IL1RAPL2: variants seen among roughly 807,000 people sequenced by gnomAD.
IL1RAPL2 encodes interleukin 1 receptor accessory protein like 2.
IL1RAPL2 carries 3 observed loss-of-function variants against 44.1 expected under a neutral mutation model. The ratio of observed to expected loss-of-function variants is 0.07; its 90% CI spans 0.03 to 0.18. IL1RAPL2 has a LOEUF of 0.18. Ranked by LOEUF, IL1RAPL2 falls within the 10% of genes least tolerant of loss-of-function variation. The probability of loss-of-function intolerance (pLI) is 1.00; values close to 1 mark genes in which losing one functional copy is unlikely to be tolerated. For synonymous variants in IL1RAPL2, 181 were observed against 178.8 expected, an observed-to-expected ratio of 1.01 and a Z score of -0.10; for missense variants, 391 against 496.4, an observed-to-expected ratio of 0.79 and a Z score of 2.02.
At chrX:105,300,272 C>T (rs953938726) in intron 5 of IL1RAPL2, among the ~76,000 whole-genome samples, 11 of 111,195 alleles carry the variant, frequency 9.9e-5, no homozygotes, top group African/African-American at 3.6e-4. Flanking sequence ...ATACAGGAAG[C>T]ATAATGGGTT....
intron 5 of IL1RAPL2, among the ~76,000 whole-genome samples, chrX:105,454,652 AG>A (rs1313069228): frequency 9.0e-6 from 1 of 111,630 alleles, no homozygotes; most frequent in Non-Finnish European, 1.9e-5. Flanking sequence ...TAACCAACAG[AG>A]CTGGTTATCT....
chrX:105,470,167 A>T (rs2036156766), intron 5 of IL1RAPL2, among the ~76,000 whole-genome samples: 1 of 111,491 alleles, frequency 9.0e-6, no homozygotes, highest in Admixed American at 9.6e-5. Flanking sequence ...TTAGGAGGAC[A>T]TTTCCAGCTT....
At chrX:105,467,213 T>C (rs936068860) in intron 5 of IL1RAPL2, among the ~76,000 whole-genome samples, 3 of 111,782 alleles carry the variant, frequency 2.7e-5, no homozygotes, top group Non-Finnish European at 5.7e-5. Context: ...CAGGGTATTG[T>C]CTCTGAGATT....
At chrX:104,894,190 G>T (rs1370775066) in intron 2 of IL1RAPL2, among the ~76,000 whole-genome samples, 3 of 111,596 alleles carry the variant, frequency 2.7e-5, no homozygotes, top group Non-Finnish European at 3.8e-5. Flanking sequence ...TGGGTAACCC[G>T]ACCTTTCTCT....
At chrX:104,599,861 GT>G (rs972356108) in intron 1 of IL1RAPL2, among the ~76,000 whole-genome samples, 25 of 111,001 alleles carry the variant, frequency 2.3e-4, no homozygotes, top group Non-Finnish European at 4.0e-4. Context: ...TGAGATGTGA[GT>G]TTTTTTTGTG....
intron 2 of IL1RAPL2, among the ~76,000 whole-genome samples, chrX:105,049,825 G>T (rs2031893889): frequency 9.0e-6 from 1 of 110,797 alleles, no homozygotes; most frequent in African/African-American, 3.3e-5. Context: ...TTTGAATAAT[G>T]AATCCAGTAT....
chrX:105,704,054 G>A (rs919343509), intron 6 of IL1RAPL2, among the ~76,000 whole-genome samples: 1 of 111,425 alleles, frequency 9.0e-6, no homozygotes, highest in Non-Finnish European at 1.9e-5. Context: ...CTTTTCAGAG[G>A]TTACCAAGAT....
chrX:105,067,542 A>G (rs1207441095), intron 2 of IL1RAPL2, among the ~76,000 whole-genome samples: 1 of 111,577 alleles, frequency 9.0e-6, no homozygotes, highest in Non-Finnish European at 1.9e-5. Context: ...TTTAATTCTC[A>G]TACCAACCCT....
At chrX:105,763,928 G>A (rs1312713169) in intron 10 of IL1RAPL2, among the ~76,000 whole-genome samples, 1 of 111,314 alleles carries the variant, frequency 9.0e-6, no homozygotes, top group Non-Finnish European at 1.9e-5. Flanking sequence ...TTGGGACACT[G>A]GGGCTGTGTC....
chrX:104,846,054 A>G (rs1263144167), intron 2 of IL1RAPL2, among the ~76,000 whole-genome samples: 1 of 111,781 alleles, frequency 8.9e-6, no homozygotes, highest in African/African-American at 3.3e-5. Context: ...GATATTTGTT[A>G]TTATCTCAAA....
intron 6 of IL1RAPL2, among the ~76,000 whole-genome samples, chrX:105,636,040 A>G (rs1478969835): frequency 9.0e-6 from 1 of 110,901 alleles, no homozygotes; most frequent in African/African-American, 3.3e-5. Context: ...CAGAAGAGTC[A>G]AGGGAAGTTT....
chrX:104,611,274 G>A (rs1287992316), intron 1 of IL1RAPL2, among the ~76,000 whole-genome samples: 1 of 111,256 alleles, frequency 9.0e-6, no homozygotes, highest in Non-Finnish European at 1.9e-5. Context: ...CCTTCCCCCA[G>A]GTGCTCTGTC....
At chrX:105,592,181 A>AT (rs1465767149) in intron 6 of IL1RAPL2, among the ~76,000 whole-genome samples, 56 of 111,145 alleles carry the variant, frequency 5.0e-4, no homozygotes, top group Admixed American at 7.6e-4. Context: ...CCTTTCTTTA[A>AT]TTTTTTTGAT....
intron 2 of IL1RAPL2, among the ~76,000 whole-genome samples, chrX:104,669,481 C>T (rs775340612): frequency 1.8e-5 from 2 of 111,195 alleles, no homozygotes; most frequent in African/African-American, 3.3e-5. Flanking sequence ...CCACTCCATA[C>T]GTTTCCAAAG....
rs1488613462 is a variant in IL1RAPL2, at chrX:105,735,334, C to G, written c.903-5212C>G. Among the ~76,000 whole-genome samples the G allele has an allele frequency of 3.6e-5, 4 of 110,067 alleles. No homozygotes were observed. In the East Asian group the frequency reaches 1.1e-3, roughly 31 times the overall value. ...ATGGATGCATGCATATGTGCAAACT[C>G]ATCAAATTGTATATATTAAATAAGT... is the stretch of plus-strand genomic sequence containing the variant. On this transcript the variant is annotated intron_variant, in intron 7 of 10. Transcript: ENST00000372582.
At chrX:105,416,399 T>C (rs921686972) in intron 5 of IL1RAPL2, among the ~76,000 whole-genome samples, 3 of 111,922 alleles carry the variant, frequency 2.7e-5, no homozygotes, top group Non-Finnish European at 5.6e-5. Context: ...TCCAATCAGA[T>C]TGCCTGAGTT....
chrX:105,048,322 A>G, intron 2 of IL1RAPL2, among the ~76,000 whole-genome samples: 1 of 112,268 alleles, frequency 8.9e-6, no homozygotes, highest in East Asian at 2.8e-4. Context: ...ATGTATTTTC[A>G]TGCTTAATGA....
intron 2 of IL1RAPL2, among the ~76,000 whole-genome samples, chrX:104,992,776 C>A (rs1298558477): frequency 1.8e-5 from 2 of 111,017 alleles, no homozygotes; most frequent in Non-Finnish European, 3.8e-5. Context: ...TCCAAACAAC[C>A]TTTCAATTTT....
In IL1RAPL2 at chrX:105,339,828, A is replaced by T. The variant is rs746685484; in HGVS notation, c.697+72287A>T. ...TTTAAACTAGATTATGCAACATATA[A>T]TCAGTGGCATACTAAGGCTGGAGCC... is the stretch of plus-strand genomic sequence containing the variant. On this transcript the variant is annotated intron_variant, in intron 5 of 10. Transcript: ENST00000372582. 1.9e-4 allele frequency among the ~76,000 whole-genome samples: 21 copies of T among 111,705 alleles called. No individual in the cohort carries two copies. The East Asian group carries it at 6.0e-3, about 32-fold the overall frequency.
Sources: gnomAD v4.1 joint callset for allele counts (sites outside exome capture counted in the v4.1 genomes callset) on GRCh38, gnomAD v4.1.1 for gene constraint, MANE v1.5 for transcripts, NCBI Gene and HGNC (gene_info 2026-07-23, HGNC 2026-07-21) for gene names.